The following DPH6 variants were observed in gnomAD, a reference collection of about 807,000 sequenced individuals.
DPH6 encodes diphthamine biosynthesis 6, also known as diphthine--ammonia ligase.
In DPH6, 33 loss-of-function variants were observed where a neutral mutation model predicts 38.2. The observed-to-expected ratio is 0.86, with a 90% CI of 0.65 to 1.15. The LOEUF is 1.15. Ranked by LOEUF, DPH6 falls within the 50% of genes most tolerant of loss-of-function variation. The probability of loss-of-function intolerance (pLI) is 0.00; values close to 1 mark genes in which losing one functional copy is unlikely to be tolerated. For synonymous variants in DPH6, 108 were observed against 103.0 expected (o/e 1.05, Z -0.30); for missense variants, 325 against 320.0 (o/e 1.02, Z -0.12).
At chr15:35,360,950 C>T (rs1367485124) in intron 3 of DPH6, among the ~76,000 whole-genome samples, 4 of 152,162 alleles carry the variant, frequency 2.6e-5, no homozygotes, top group Non-Finnish European at 5.9e-5. Flanking sequence ...GGACTTCTCC[C>T]TACAGCAAAG....
At chr15:35,478,880 G>A (rs1285085087) in intron 3 of DPH6, among the ~76,000 whole-genome samples, 1 of 151,966 alleles carries the variant, frequency 6.6e-6, no homozygotes, top group Non-Finnish European at 1.5e-5. Context: ...GATTTTCAAA[G>A]CATTCTCAGA....
chr15:35,214,191 G>A (rs2051401615), downstream of DPH6, among the ~76,000 whole-genome samples: 1 of 151,892 alleles, frequency 6.6e-6, no homozygotes, highest in Non-Finnish European at 1.5e-5. Context: ...TCCTCATGTT[G>A]ATGTTACATT....
At chr15:35,275,713 TAA>T (rs56006226) in intron 3 of DPH6, among the ~76,000 whole-genome samples, 25 of 141,782 alleles carry the variant, frequency 1.8e-4, no homozygotes, top group Non-Finnish European at 1.1e-4. Context: ...GACCTTAAAG[TAA>T]AAAAAAAAAA....
At chr15:35,174,905 T>C in the DPH6 span, among the ~76,000 whole-genome samples, 1 of 151,694 alleles carries the variant, frequency 6.6e-6, no homozygotes, top group African/African-American at 2.4e-5. Flanking sequence ...TTATATGTAA[T>C]TTAAAAAATA....
intron 5 of DPH6, among the ~76,000 whole-genome samples, chr15:35,414,630 A>C (rs1199779121): frequency 6.6e-6 from 1 of 151,508 alleles, no homozygotes; most frequent in Non-Finnish European, 1.5e-5. Flanking sequence ...TCAATTTCCC[A>C]ATCTAGCCTC....
intron 3 of DPH6, chr15:35,520,519 TAC>T (rs2054909115): frequency 1.0e-6 from 1 of 984,484 alleles, no homozygotes; most frequent in Non-Finnish European, 1.2e-6. Context: ...TCCAATTAAG[TAC>T]AGTGTCAAAG....
At chr15:35,240,888 C>T (rs1296934184) in intron 3 of DPH6, among the ~76,000 whole-genome samples, 2 of 143,038 alleles carry the variant, frequency 1.4e-5, no homozygotes, top group Non-Finnish European at 3.1e-5. Flanking sequence ...TAATTAACCT[C>T]GCCTTCAAGG....
At chr15:35,481,372 G>C (rs1192151557) in intron 3 of DPH6, among the ~76,000 whole-genome samples, 1 of 152,018 alleles carries the variant, frequency 6.6e-6, no homozygotes, top group East Asian at 1.9e-4. Context: ...AAGAAGGAAA[G>C]AGGAAGAGAA....
intron 3 of DPH6, among the ~76,000 whole-genome samples, chr15:35,252,457 G>T (rs2051681342): frequency 6.6e-6 from 1 of 152,238 alleles, no homozygotes; most frequent in Non-Finnish European, 1.5e-5. Context: ...CATTAAACAA[G>T]CATTGTGACA....
At chr15:35,240,587 C>T (rs1595442125) in intron 3 of DPH6, among the ~76,000 whole-genome samples, 1 of 143,622 alleles carries the variant, frequency 7.0e-6, no homozygotes, top group South Asian at 2.4e-4. Flanking sequence ...CCCCACCTGC[C>T]CAGCAATTTA....
At chr15:35,315,617 G>A (rs529345636) in intron 3 of DPH6, among the ~76,000 whole-genome samples, 118 of 152,268 alleles carry the variant, frequency 7.7e-4, no homozygotes, top group African/African-American at 2.8e-3. Context: ...AGTGACTATG[G>A]AGAACAGTAT....
At chr15:35,251,649 T>C (rs1039923665) in intron 3 of DPH6, among the ~76,000 whole-genome samples, 7 of 152,202 alleles carry the variant, frequency 4.6e-5, no homozygotes, top group Non-Finnish European at 4.4e-5. Flanking sequence ...TCTCACCACT[T>C]TGCTTTGTAA....
intron 3 of DPH6, among the ~76,000 whole-genome samples, chr15:35,290,084 C>T (rs1487637507): frequency 6.6e-6 from 1 of 152,154 alleles, no homozygotes; most frequent in Non-Finnish European, 1.5e-5. Context: ...AAAGGTTTTG[C>T]AATGAACACA....
intron 5 of DPH6, among the ~76,000 whole-genome samples, chr15:35,418,789 A>G (rs935569798): frequency 6.6e-6 from 1 of 152,042 alleles, no homozygotes; most frequent in Non-Finnish European, 1.5e-5. Context: ...CTATGTCATG[A>G]AAGCAAGTGG....
intron 3 of DPH6, among the ~76,000 whole-genome samples, chr15:35,233,366 T>C (rs374523076): frequency 6.6e-6 from 1 of 152,156 alleles, no homozygotes. Context: ...ACAATCTCCA[T>C]TGTATTTTAT....
chr15:35,467,907 T>C (rs1316214325), intron 3 of DPH6, among the ~76,000 whole-genome samples: 1 of 152,238 alleles, frequency 6.6e-6, no homozygotes, highest in Non-Finnish European at 1.5e-5. Context: ...GACATTAAGA[T>C]GGCTGTGATG....
At chr15:35,444,841 T>A (rs2053830701) in intron 5 of DPH6, among the ~76,000 whole-genome samples, 1 of 151,854 alleles carries the variant, frequency 6.6e-6, no homozygotes, top group African/African-American at 2.4e-5. Flanking sequence ...TCAGGAACAT[T>A]ATTTTGGTCT....
the DPH6 span, among the ~76,000 whole-genome samples, chr15:35,207,736 T>C: frequency 1.3e-5 from 2 of 152,232 alleles, no homozygotes; most frequent in South Asian, 2.1e-4. Context: ...CAAAATGATC[T>C]TTCCCAAACT....
rs546025558 is a variant in DPH6, at chr15:35,477,859, G to A, written c.313-23039C>T. On this transcript the variant is annotated intron_variant, in intron 3 of 8. Transcript: ENST00000256538. ...TATTACATGCACTGTAATTATTAGC[G>A]GGAAATGTTATTTTAATGAATGTAA... 3.3e-5 allele frequency among the ~76,000 whole-genome samples: 5 copies of A among 151,878 alleles called. No individual in the cohort carries two copies. The South Asian group carries it at 6.2e-4, about 19-fold the overall frequency.
Sources: allele counts gnomAD v4.1 joint callset (sites outside exome capture counted in the v4.1 genomes callset), GRCh38; gene constraint gnomAD v4.1.1; transcripts MANE v1.5; gene names NCBI Gene and HGNC (gene_info 2026-07-23, HGNC 2026-07-21).